CRTAM: variants seen among roughly 807,000 people sequenced by gnomAD.
CRTAM encodes the protein cytotoxic and regulatory T cell molecule, also known as cytotoxic and regulatory T-cell molecule.
In CRTAM, 44 loss-of-function variants were observed where a neutral mutation model predicts 50.0. The observed-to-expected ratio is 0.88, with a 90% CI of 0.69 to 1.13. CRTAM has a LOEUF of 1.13. Ranked by LOEUF, CRTAM falls within the 50% of genes most tolerant of loss-of-function variation. The pLI is 0.00. For missense variants in CRTAM, 448 were observed against 457.5 expected (o/e 0.98, Z 0.19); for synonymous variants, 159 against 169.3 (o/e 0.94, Z 0.47).
chr11:122,844,052 T>C (rs1349560015), intron 1 of CRTAM, among the ~76,000 whole-genome samples: 1 of 152,234 alleles, frequency 6.6e-6, no homozygotes, highest in African/African-American at 2.4e-5. Context: ...GAATATTCTA[T>C]GCCTCAAACA....
chr11:122,839,272 A>G (rs1336919078), intron 1 of CRTAM, among the ~76,000 whole-genome samples: 1 of 152,202 alleles, frequency 6.6e-6, no homozygotes, highest in Non-Finnish European at 1.5e-5. Flanking sequence ...TATAAATCTT[A>G]GCCAAACGAT....
At position 122,872,310 on chromosome 11, in the gene CRTAM, A is replaced by T. The variant is rs923808963; in HGVS notation, c.*911A>T. 2 of 152,240 alleles carry T rather than the reference A, an allele frequency of 1.3e-5. No homozygotes were observed. The highest frequency in any genetic ancestry group is 2.4e-5 in the African/African-American group (1 of 41,464). 9.4% of individuals were successfully genotyped at this position (152,240 alleles called of 1,614,324 possible). On this transcript the variant is annotated 3_prime_UTR_variant, in exon 10 of 10. Coordinates refer to ENST00000227348, the MANE Select transcript of CRTAM (RefSeq NM_019604.4). ...AGGCCCAAAGATTCGAATTCCTTAG[A>T]TTACTAAATCACATGAGCGGACCTT...
intron 2 of CRTAM, among the ~76,000 whole-genome samples, chr11:122,850,804 G>A (rs1484991354): frequency 6.6e-6 from 1 of 152,194 alleles, no homozygotes; most frequent in African/African-American, 2.4e-5. Context: ...GTCTGAGATG[G>A]AAAAAGACTC....
intron 1 of CRTAM, among the ~76,000 whole-genome samples, chr11:122,846,135 G>A (rs77517089): frequency 0.019 from 2,831 of 152,206 alleles, 87 homozygotes; most frequent in African/African-American, 0.065. Flanking sequence ...TGGAGATACC[G>A]GGTACCCACT....
chr11:122,843,587 G>T (rs1861825630), intron 1 of CRTAM, among the ~76,000 whole-genome samples: 1 of 152,136 alleles, frequency 6.6e-6, no homozygotes, highest in Non-Finnish European at 1.5e-5. Context: ...TAATAAGAAA[G>T]CTTAAAGGTA....
intron 7 of CRTAM, among the ~76,000 whole-genome samples, chr11:122,866,276 C>T (rs1332079059): frequency 1.3e-5 from 2 of 152,182 alleles, no homozygotes; most frequent in Non-Finnish European, 1.5e-5. Flanking sequence ...CCTCTCCTTA[C>T]TCCCTCTTCA....
In CRTAM at chr11:122,855,761, A is replaced by G; in HGVS notation, c.557A>G (p.His186Arg). ...AATACTACCAGCACTCTCATAATCC[A>G]CACTTATGGCAAAAATTCAACGGTG... is the stretch of plus-strand genomic sequence containing the variant. ...KCNTTSTLII[H>R]TYGKNSTVDC... The change falls in exon 5 of 10, where the codon CAC becomes CGC. Residue 186 changes from histidine (H) to arginine (R), a missense_variant. Physicochemically the swap from His to Arg is conservative, Grantham distance 29 (BLOSUM62 0). Transcript: ENST00000227348. The G allele has an allele frequency of 1.2e-6, 2 of 1,614,046 alleles. No individual in the cohort carries two copies. Among genetic ancestry groups the G allele is most frequent in the Non-Finnish European group, 1.7e-6 (2 of 1,179,884 alleles).
intron 2 of CRTAM, among the ~76,000 whole-genome samples, chr11:122,850,976 T>C (rs1861922225): frequency 6.6e-6 from 1 of 152,216 alleles, no homozygotes; most frequent in African/African-American, 2.4e-5. Flanking sequence ...AAGCATATCA[T>C]GCTGGCTGGG....
intron 5 of CRTAM, among the ~76,000 whole-genome samples, chr11:122,859,976 G>A (rs1037661323): frequency 2.0e-5 from 3 of 152,168 alleles, no homozygotes; most frequent in African/African-American, 7.2e-5. Context: ...AGCATTTGGA[G>A]GTTGTCAAAC....
intron 3 of CRTAM, among the ~76,000 whole-genome samples, chr11:122,853,113 G>T (rs1443610689): frequency 6.6e-6 from 1 of 151,346 alleles, no homozygotes; most frequent in African/African-American, 2.4e-5. Context: ...GCCCGGGCTG[G>T]AGTGCAGTGG....
intron 9 of CRTAM, 30 bp from the exon 10 acceptor site, chr11:122,871,239 A>G: frequency 1.9e-6 from 3 of 1,585,178 alleles, no homozygotes; most frequent in Non-Finnish European, 2.6e-6. Flanking sequence ...TTCAAAATAA[A>G]TATTCATCTT....
intron 5 of CRTAM, among the ~76,000 whole-genome samples, chr11:122,860,773 G>A (rs758616520): frequency 2.6e-5 from 4 of 152,026 alleles, no homozygotes; most frequent in Non-Finnish European, 4.4e-5. Flanking sequence ...GTGTAATCAC[G>A]GTTCACAGCA....
chr11:122,849,982 T>A (rs1861909220), intron 1 of CRTAM, 86 bp from the exon 2 acceptor site: 3 of 1,336,696 alleles, frequency 2.2e-6, no homozygotes, highest in Non-Finnish European at 3.0e-6. Context: ...AAATAGATAA[T>A]ACATGATTGA....
chr11:122,868,078 T>G lies in CRTAM; in HGVS notation c.1030T>G (p.Ser344Ala). 6.2e-7 allele frequency: 1 copy of G among 1,611,934 alleles called. No individual in the cohort carries two copies. The highest frequency in any genetic ancestry group is 8.5e-7 in the Non-Finnish European group (1 of 1,178,132). ...RSRSNNEETSSEEKNGQSSHP... is the reference protein window; with the variant it reads ...RSRSNNEETSAEEKNGQSSHP... ...AAGGTCAAATAATGAAGAAACATCA[T>G]CTGAAGAGAAAAATGGCCAATGTAA... The change falls in exon 9 of 10, where the codon TCT becomes GCT. Residue 344 changes from serine to alanine, a missense_variant. Transcript: ENST00000227348.
intron 4 of CRTAM, among the ~76,000 whole-genome samples, chr11:122,855,245 G>A (rs1023022607): frequency 7.9e-5 from 12 of 152,162 alleles, no homozygotes; most frequent in Admixed American, 1.3e-4. Context: ...CGCCCGGCCT[G>A]TAATCAACAT....
chr11:122,858,997 A>G (rs917583424), intron 5 of CRTAM, among the ~76,000 whole-genome samples: 1 of 152,200 alleles, frequency 6.6e-6, no homozygotes, highest in Non-Finnish European at 1.5e-5. Flanking sequence ...TATATAGGTG[A>G]TGTCTGTCAA....
At chr11:122,853,848 C>T (rs1861967720) in intron 3 of CRTAM, 95 bp from the exon 4 acceptor site, 1 of 1,200,080 alleles carries the variant, frequency 8.3e-7, no homozygotes, top group African/African-American at 1.5e-5. Flanking sequence ...TAGAGTATAC[C>T]CTATAACAAT....
At chr11:122,845,195 C>T (rs555010297) in intron 1 of CRTAM, among the ~76,000 whole-genome samples, 233 of 152,214 alleles carry the variant, frequency 1.5e-3, no homozygotes, top group African/African-American at 5.3e-3. Flanking sequence ...CAGGTAAAGA[C>T]ACTGATTTAA....
At chr11:122,852,285 C>G (rs571804510) in intron 3 of CRTAM, among the ~76,000 whole-genome samples, 17 of 152,286 alleles carry the variant, frequency 1.1e-4, no homozygotes, top group Middle Eastern at 6.8e-3. Context: ...TCAGATGTAG[C>G]TGCACTGCTT....
Sources: allele counts gnomAD v4.1 joint callset (sites outside exome capture counted in the v4.1 genomes callset), GRCh38; gene constraint gnomAD v4.1.1; transcripts MANE v1.5; gene names NCBI Gene and HGNC (gene_info 2026-07-23, HGNC 2026-07-21).